Variants in INSC observed in about 807,000 individuals in gnomAD.
INSC encodes protein inscuteable homolog.
Under a neutral mutation model 58.6 loss-of-function variants are expected in INSC, and 67 were observed. The ratio of observed to expected loss-of-function variants is 1.14; its 90% CI spans 0.94 to 1.40. The LOEUF (loss-of-function observed/expected upper bound fraction) is 1.40, where lower values mean the gene tolerates loss of function less well. Among genes scored for constraint, INSC ranks in the 40% most tolerant of loss-of-function variants. The pLI, the probability that INSC is intolerant of heterozygous loss-of-function variation, is 0.00. For missense variants in INSC, 714 were observed against 692.0 expected (o/e 1.03, Z -0.36); for synonymous variants, 262 against 276.1 (o/e 0.95, Z 0.51).
chr11:15,247,991 T>C (rs1216289612), downstream of INSC, among the ~76,000 whole-genome samples: 1 of 152,158 alleles, frequency 6.6e-6, no homozygotes, highest in African/African-American at 2.4e-5. Flanking sequence ...CTCCTCAGTC[T>C]CAATAACCAC....
intron 1 of INSC, among the ~76,000 whole-genome samples, chr11:15,137,120 T>C (rs1332632668): frequency 6.6e-6 from 1 of 152,188 alleles, no homozygotes; most frequent in Non-Finnish European, 1.5e-5. Context: ...CAATGAGCAA[T>C]AATATTTTGA....
intron 7 of INSC, among the ~76,000 whole-genome samples, chr11:15,211,921 A>G (rs1851040539): frequency 6.6e-6 from 1 of 151,466 alleles, no homozygotes; most frequent in Admixed American, 6.6e-5. Flanking sequence ...GGGCCCCTAT[A>G]GTCTAATACA....
chr11:15,215,545 C>G (rs1398308776), intron 7 of INSC, among the ~76,000 whole-genome samples: 1 of 152,216 alleles, frequency 6.6e-6, no homozygotes, highest in East Asian at 1.9e-4. Context: ...GGAGTCCTGG[C>G]CCTGGCATTA....
At chr11:15,267,054 A>C in the INSC span, among the ~76,000 whole-genome samples, 1 of 152,012 alleles carries the variant, frequency 6.6e-6, no homozygotes, top group Admixed American at 6.6e-5. Context: ...TAGCATATAC[A>C]TCTACCAGTG....
chr11:15,226,114 C>T (rs1229016287), intron 9 of INSC, among the ~76,000 whole-genome samples: 2 of 152,194 alleles, frequency 1.3e-5, no homozygotes, highest in Non-Finnish European at 2.9e-5. Flanking sequence ...TACGAGATCT[C>T]CTACCTGCTT....
rs200762851 is a variant in INSC at position 15,176,027 on chromosome 11, C to T, written c.343C>T (p.Arg115Cys). The change falls in exon 3 of 13, where the codon CGC (arginine) becomes TGC (cysteine). Residue 115 changes from arginine (R) to cysteine (C), a missense_variant. Coordinates refer to ENST00000379556, the MANE Select transcript of INSC (RefSeq NM_001042536.3). ...GAGCGTGCGTCTGACCTGCCATGCC[C>T]GCTCCATGGTCAGCGAGTACAGTGC... Reference protein sequence around the residue: ...SMSVRLTCHARSMVSEYSAVS... With the variant: ...SMSVRLTCHACSMVSEYSAVS... The T allele has an allele frequency of 5.5e-5, 87 of 1,582,758 alleles. No individual in the cohort carries two copies. Among genetic ancestry groups the T allele is most frequent in the Non-Finnish European group, 6.7e-5 (78 of 1,161,554 alleles).
intron 1 of INSC, among the ~76,000 whole-genome samples, chr11:15,142,486 G>C (rs896941901): frequency 4.6e-5 from 7 of 152,212 alleles, no homozygotes; most frequent in Non-Finnish European, 7.3e-5. Flanking sequence ...GTGTTGCAGT[G>C]ATGCCCTGAG....
Position 15,175,892 on chromosome 11 carries a change from C to G in INSC, c.208C>G (p.Pro70Ala), listed in dbSNP as rs1849555073. Residue 70 changes from proline to alanine, a missense_variant, in exon 3 of 13, where the codon CCT (proline) becomes GCT (alanine). Pro to Ala is a conservative substitution (Grantham distance 27, BLOSUM62 -1). Transcript: ENST00000379556. ...GDLILAGGPG[P>A]GDPLQLLLKR... ...CCTCATCCTGGCAGGTGGCCCTGGC[C>G]CTGGAGACCCCCTGCAGCTGCTGCT... 19 of 1,613,956 alleles carry G rather than the reference C, an allele frequency of 1.2e-5. No individual in the cohort carries two copies. Among genetic ancestry groups the G allele is most frequent in the Non-Finnish European group, 1.4e-5 (16 of 1,179,968 alleles).
At chr11:15,119,776 A>G (rs554679749) in intron 1 of INSC, among the ~76,000 whole-genome samples, 1 of 152,330 alleles carries the variant, frequency 6.6e-6, no homozygotes, top group Non-Finnish European at 1.5e-5. Context: ...GGCGGTACAT[A>G]CTGGCAATGT....
intron 6 of INSC, 106 bp from the exon 7 acceptor site, chr11:15,200,718 G>A: frequency 6.7e-7 from 1 of 1,498,906 alleles, no homozygotes; most frequent in Non-Finnish European, 9.1e-7. Context: ...TGGAGGCAGG[G>A]AGGACCCGAA....
At position 15,152,590 on chromosome 11, in the gene INSC, C is replaced by A. The variant is rs190593161; in HGVS notation, c.56+3360C>A. Among the ~76,000 whole-genome samples, 36 of 152,344 alleles carry A rather than the reference C, an allele frequency of 2.4e-4. No homozygotes were observed. In the East Asian group the frequency reaches 6.8e-3, roughly 29 times the overall value. On this transcript the variant is annotated intron_variant, in intron 2 of 12. Coordinates refer to ENST00000379556, the MANE Select transcript of INSC (RefSeq NM_001042536.3). ...CCATAAAAGCTTGTCGTCCATGCTG[C>A]TTCAGAGGAACTCTCCAGCCTCTTC...
chr11:15,116,376 C>T (rs560020529), intron 1 of INSC, among the ~76,000 whole-genome samples: 43 of 152,314 alleles, frequency 2.8e-4, no homozygotes, highest in African/African-American at 9.4e-4. Context: ...TCTTTGGTTT[C>T]GTTCAACCCT....
intron 9 of INSC, among the ~76,000 whole-genome samples, chr11:15,232,339 G>A (rs1285304294): frequency 6.6e-6 from 1 of 152,164 alleles, no homozygotes; most frequent in South Asian, 2.1e-4. Context: ...CCTGCCCAGA[G>A]CGAGCCATAT....
At chr11:15,265,379 G>C in the INSC span, among the ~76,000 whole-genome samples, 1 of 151,950 alleles carries the variant, frequency 6.6e-6, no homozygotes, top group South Asian at 2.1e-4. Flanking sequence ...TAATTTGTAA[G>C]ATAGAAATAT....
In INSC at chr11:15,190,834, A is replaced by G; in HGVS notation, c.693+20A>G. Reference sequence around the variant, plus strand: ...GCCAAGGTGAGCTTCATGGTTAGGGACCAAAATGGCAGGCCTGGGGAAGTA... The same window carrying G: ...GCCAAGGTGAGCTTCATGGTTAGGGGCCAAAATGGCAGGCCTGGGGAAGTA... On this transcript the variant is annotated intron_variant, in intron 6 of 12. Transcript: ENST00000379556. 2 of 1,541,796 alleles carry G rather than the reference A, an allele frequency of 1.3e-6. No homozygotes were observed. Among genetic ancestry groups the G allele is most frequent in the Non-Finnish European group, 1.8e-6 (2 of 1,114,158 alleles).
Position 15,221,592 on chromosome 11 carries a change from C to T in INSC, c.935C>T (p.Thr312Ile). 1 of 1,613,902 alleles carries T rather than the reference C, an allele frequency of 6.2e-7. No homozygotes were observed. The highest frequency in any genetic ancestry group is 1.3e-5 in the African/African-American group (1 of 75,008). Reference protein sequence around the residue: ...AQVTSPHLPVTQHLSSFLESM... With the variant: ...AQVTSPHLPVIQHLSSFLESM... The stretch of plus-strand genomic sequence containing the variant: ...GTCACCTCCCCACACCTGCCCGTCA[C>T]CCAGCACCTCAGTAGCTTCCTGGAG... Residue 312 changes from threonine to isoleucine, a missense_variant, in exon 8 of 13, where the codon ACC (threonine) becomes ATC (isoleucine). Thr to Ile is a moderately conservative substitution (Grantham distance 89). Coordinates refer to ENST00000379556, the MANE Select transcript of INSC (RefSeq NM_001042536.3).
At chr11:15,116,786 C>CTTTTCT (rs776760603) in intron 1 of INSC, among the ~76,000 whole-genome samples, 1 of 123,502 alleles carries the variant, frequency 8.1e-6, no homozygotes, top group Non-Finnish European at 1.8e-5. Context: ...TTCTTCCTTC[C>CTTTTCT]TTTCTTTTCT....
intron 1 of INSC, among the ~76,000 whole-genome samples, chr11:15,147,286 A>C (rs1228623640): frequency 2.0e-5 from 3 of 152,138 alleles, no homozygotes; most frequent in African/African-American, 7.2e-5. Context: ...CAATAATGAC[A>C]GTAATGATGG....
chr11:15,177,202 C>A (rs377610922), intron 4 of INSC, 39 bp downstream of exon 4: 10 of 1,546,700 alleles, frequency 6.5e-6, no homozygotes, highest in African/African-American at 1.4e-5. Flanking sequence ...TCTGCCCACC[C>A]GACCTCTGGC....
Sources: allele counts gnomAD v4.1 joint callset (sites outside exome capture counted in the v4.1 genomes callset), GRCh38; gene constraint gnomAD v4.1.1; transcripts MANE v1.5; gene names NCBI Gene and HGNC (gene_info 2026-07-23, HGNC 2026-07-21).